Variants in LRRC17 observed in about 807,000 individuals in gnomAD.
LRRC17 encodes leucine-rich repeat-containing protein 17.
LRRC17 carries 33 observed loss-of-function variants against 41.5 expected under a neutral mutation model. The observed-to-expected ratio is 0.80, with a 90% confidence interval of 0.60 to 1.06. LRRC17 has a LOEUF of 1.06. Ranked by LOEUF, LRRC17 falls within the 50% of genes least tolerant of loss-of-function variation. The pLI is 0.00. For synonymous variants in LRRC17, 192 were observed against 197.0 expected (o/e 0.97, Z 0.21); for missense variants, 491 against 519.3 (o/e 0.95, Z 0.53).
chr7:102,944,109 G>T, intron 3 of LRRC17, 101 bp from the exon 4 acceptor site: 1 of 908,584 alleles, frequency 1.1e-6, no homozygotes. Context: ...TTTCAAAGGG[G>T]AAAATTAAGC....
chr7:102,931,719 G>A lies in LRRC17; in HGVS notation c.-140-2055G>A, dbSNP rs79280122. ...ATACATCTACATGATTAATATTAGC[G>A]TTGTGCAGATGGAGTAAAATTTCTT... On this transcript the variant is annotated intron_variant, in intron 1 of 3. Transcript: ENST00000339431. Among the ~76,000 whole-genome samples, 576 of 152,280 alleles carry A rather than the reference G, an allele frequency of 3.8e-3. 5 individuals carry two copies. The highest frequency in any genetic ancestry group is 0.014 in the African/African-American group (562 of 41,554).
chr7:102,941,585 G>A (rs1317370998), intron 3 of LRRC17, among the ~76,000 whole-genome samples: 4 of 152,000 alleles, frequency 2.6e-5, no homozygotes, highest in Admixed American at 6.6e-5. Context: ...TCTAGGCAGC[G>A]GGCAAGGTGA....
Position 102,939,465 on chromosome 7 carries a change from A to G in LRRC17, c.808A>G (p.Ile270Val). 1 of 1,613,428 alleles carries G rather than the reference A, an allele frequency of 6.2e-7. No individual in the cohort carries two copies. The highest frequency in any genetic ancestry group is 1.7e-4 in the Middle Eastern group (1 of 6,058). ...AGTGCCAAACAACATCCCTCCAGAT[A>G]TTGTTAAACTTGACTTGTCATACAA... ...KKVPNNIPPDIVKLDLSYNKI... is the reference protein window; with the variant it reads ...KKVPNNIPPDVVKLDLSYNKI... Residue 270 changes from isoleucine to valine, a missense_variant, in exon 3 of 4, where the codon ATT becomes GTT. Coordinates refer to ENST00000339431, the MANE Select transcript of LRRC17 (RefSeq NM_001031692.3).
At chr7:102,925,792 A>AAACT (rs1470077044) in intron 1 of LRRC17, among the ~76,000 whole-genome samples, 41 of 151,766 alleles carry the variant, frequency 2.7e-4, no homozygotes, top group Non-Finnish European at 1.5e-4. Flanking sequence ...AAATACAAAA[A>AAACT]TAGCCAGGCG....
In LRRC17 at chr7:102,944,951, A is replaced by G. The variant is rs1353475515; in HGVS notation, c.*344A>G. ...GAAAAAAAACTTGGTTCATGTTTAC[A>G]TGCCTTTCGATAGCTGTTTGTGCAT... On this transcript the variant is annotated 3_prime_UTR_variant, in exon 4 of 4. Transcript: ENST00000339431. 5.6e-6 allele frequency: 1 copy of G among 179,874 alleles called. No individual in the cohort carries two copies. The highest frequency in any genetic ancestry group is 1.1e-5 in the Non-Finnish European group (1 of 87,360). The allele number at this position is 179,874 out of a possible 1,614,324, so 11.1% of individuals were successfully genotyped here. A position where few individuals can be genotyped will look rare whatever the true frequency, so the allele number is the denominator to read the frequency against.
chr7:102,928,330 T>C (rs1309389303), intron 1 of LRRC17, among the ~76,000 whole-genome samples: 1 of 152,238 alleles, frequency 6.6e-6, no homozygotes, highest in Non-Finnish European at 1.5e-5. Flanking sequence ...ACTGAGTACC[T>C]ACATTGCAGA....
At position 102,934,525 on chromosome 7, in the gene LRRC17, G is replaced by T; in HGVS notation, c.612G>T (p.Arg204=). The stretch of plus-strand genomic sequence containing the variant: ...AAGAACAAAAAAATAAAAAACTGCG[G>T]CAGATAAAATCTGAACAGTTGTGTA... The part of the protein sequence containing the change: ...SPQEQKNKKL[R]QIKSEQLCNE... Residue 204 remains arginine (R), a synonymous_variant, in exon 2 of 4, where the codon CGG becomes CGT. Transcript: ENST00000339431. The T allele has an allele frequency of 6.2e-7, 1 of 1,605,660 alleles. No homozygotes were observed. The highest frequency in any genetic ancestry group is 8.5e-7 in the Non-Finnish European group (1 of 1,177,462).
intron 1 of LRRC17, among the ~76,000 whole-genome samples, chr7:102,924,064 A>G (rs1230553389): frequency 6.6e-6 from 1 of 151,224 alleles, no homozygotes; most frequent in Admixed American, 6.6e-5. Context: ...ACATAGAGAA[A>G]CCCCTCTCTA....
intron 2 of LRRC17, chr7:102,936,372 T>C (rs566555347): frequency 1.3e-5 from 2 of 152,330 alleles, no homozygotes; most frequent in African/African-American, 4.8e-5. Flanking sequence ...AGCCAGAGCC[T>C]ATGAGCTCTC....
chr7:102,934,672 C>T lies in LRRC17; in HGVS notation c.759C>T (p.Asp253=), dbSNP rs1302904287. The change falls in exon 2 of 4, where the codon GAC becomes GAT. Residue 253 remains aspartate, a synonymous_variant. Coordinates refer to ENST00000339431, the MANE Select transcript of LRRC17 (RefSeq NM_001031692.3). The part of the protein sequence containing the change: ...HNYVFPIQTL[D]CKRKELKKVP... ...ATGTGTTTCCCATACAAACACTGGA[C>T]TGCAAAAGGAAAGGTTTGTACTTTT... is the stretch of plus-strand genomic sequence containing the variant. 2.5e-6 allele frequency: 4 copies of T among 1,586,364 alleles called. No individual in the cohort carries two copies. Among genetic ancestry groups the T allele is most frequent in the South Asian group, 1.2e-5 (1 of 85,782 alleles).
intron 1 of LRRC17, chr7:102,932,006 T>C: frequency 7.4e-7 from 1 of 1,352,624 alleles, no homozygotes; most frequent in East Asian, 2.3e-5. Context: ...TATCTTACAT[T>C]GAATGCAATG....
intron 3 of LRRC17, 59 bp downstream of exon 3, chr7:102,939,644 T>C (rs895298008): frequency 5.5e-6 from 8 of 1,455,622 alleles, no homozygotes; most frequent in East Asian, 4.6e-5. Context: ...TTTTTTTCTA[T>C]GGCAACACTT....
At chr7:102,927,624 A>C (rs1818373729) in intron 1 of LRRC17, among the ~76,000 whole-genome samples, 1 of 152,208 alleles carries the variant, frequency 6.6e-6, no homozygotes, top group African/African-American at 2.4e-5. Flanking sequence ...ATTCTATTTG[A>C]AGCTGTAAAT....
intron 1 of LRRC17, chr7:102,926,526 G>A (rs562383089): frequency 1.5e-5 from 9 of 601,418 alleles, no homozygotes; most frequent in African/African-American, 1.3e-4. Flanking sequence ...AGGTTGAAAT[G>A]AAATTAAATA....
At chr7:102,938,228 C>G (rs1346928766) in intron 2 of LRRC17, among the ~76,000 whole-genome samples, 1 of 152,128 alleles carries the variant, frequency 6.6e-6, no homozygotes, top group Non-Finnish European at 1.5e-5. Flanking sequence ...AATAGTTTAC[C>G]ATTTTTAAGG....
intron 1 of LRRC17, among the ~76,000 whole-genome samples, chr7:102,914,341 C>T (rs1815394819): frequency 6.6e-6 from 1 of 152,112 alleles, no homozygotes; most frequent in African/African-American, 2.4e-5. Flanking sequence ...CCAAAGTGCT[C>T]GGAACAGGCA....
intron 1 of LRRC17, among the ~76,000 whole-genome samples, chr7:102,925,061 C>T (rs1479039712): frequency 6.6e-6 from 1 of 152,162 alleles, no homozygotes; most frequent in African/African-American, 2.4e-5. Context: ...TGAATCTCTC[C>T]TAGTGTGATC....
At chr7:102,932,961 G>A (rs1392598716) in intron 1 of LRRC17, 7 of 152,170 alleles carry the variant, frequency 4.6e-5, no homozygotes, top group Non-Finnish European at 7.3e-5. Flanking sequence ...AGCAGTTAAC[G>A]AAATAGACAC....
At chr7:102,929,617 T>A (rs925949728) in intron 1 of LRRC17, among the ~76,000 whole-genome samples, 1 of 134,956 alleles carries the variant, frequency 7.4e-6, no homozygotes. Flanking sequence ...TGAGCCACGA[T>A]GGCACCACTG....
Sources: allele counts gnomAD v4.1 joint callset (sites outside exome capture counted in the v4.1 genomes callset), GRCh38; gene constraint gnomAD v4.1.1; transcripts MANE v1.5; gene names NCBI Gene and HGNC (gene_info 2026-07-23, HGNC 2026-07-21).